The following KAT6B variants were observed in gnomAD, a reference collection of about 807,000 sequenced individuals.
KAT6B encodes the protein lysine acetyltransferase 6B.
KAT6B carries 10 observed loss-of-function variants against 187.5 expected under a neutral mutation model. That is an observed-to-expected ratio of 0.05 (90% CI 0.03 to 0.09). The LOEUF is 0.09. Among genes scored for constraint, KAT6B ranks in the 10% least tolerant of loss-of-function variants. The pLI, the probability that KAT6B is intolerant of heterozygous loss-of-function variation, is 1.00. For synonymous variants in KAT6B, 861 were observed against 926.8 expected, an observed-to-expected ratio of 0.93 and a Z score of 1.29; for missense variants, 1,952 against 2,558.9, an observed-to-expected ratio of 0.76 and a Z score of 5.12.
At chr10:74,853,618 G>C (rs1842631237) in intron 3 of KAT6B, among the ~76,000 whole-genome samples, 1 of 134,376 alleles carries the variant, frequency 7.4e-6, no homozygotes, top group African/African-American at 2.9e-5. Flanking sequence ...TATAAGAAAT[G>C]CCTTTTTTTT....
At chr10:74,861,234 C>T (rs569858940) in intron 3 of KAT6B, among the ~76,000 whole-genome samples, 135 of 151,918 alleles carry the variant, frequency 8.9e-4, no homozygotes, top group Non-Finnish European at 1.5e-3. Flanking sequence ...TGCCGGAGGC[C>T]GAAGGTGCAG....
intron 3 of KAT6B, among the ~76,000 whole-genome samples, chr10:74,845,027 G>A (rs1411540794): frequency 6.6e-6 from 1 of 151,774 alleles, no homozygotes; most frequent in African/African-American, 2.4e-5. Context: ...GACTAGCCTG[G>A]GCAACATAGT....
chr10:74,871,112 C>T (rs1843916757), intron 3 of KAT6B, among the ~76,000 whole-genome samples: 1 of 150,324 alleles, frequency 6.7e-6, no homozygotes, highest in South Asian at 2.1e-4. Flanking sequence ...AAACTCCTGA[C>T]CTCACGTGAT....
chr10:74,989,406 C>G (rs1279853632), intron 13 of KAT6B, among the ~76,000 whole-genome samples: 1 of 152,148 alleles, frequency 6.6e-6, no homozygotes, highest in Non-Finnish European at 1.5e-5. Context: ...TGCTCATGCT[C>G]ATTAGCACCA....
intron 3 of KAT6B, among the ~76,000 whole-genome samples, chr10:74,848,119 A>G (rs149145327): frequency 0.023 from 3,517 of 151,902 alleles, 138 homozygotes; most frequent in African/African-American, 0.08. Flanking sequence ...GGGTTTCACC[A>G]TGTTGGCCAG....
At chr10:74,919,649 C>T (rs1318261634) in intron 3 of KAT6B, among the ~76,000 whole-genome samples, 4 of 152,098 alleles carry the variant, frequency 2.6e-5, no homozygotes, top group Non-Finnish European at 5.9e-5. Flanking sequence ...GCGATCCGCC[C>T]ACCTAGGCCT....
At chr10:74,932,876 G>A (rs373841783) in intron 3 of KAT6B, among the ~76,000 whole-genome samples, 3 of 152,154 alleles carry the variant, frequency 2.0e-5, no homozygotes, top group Non-Finnish European at 2.9e-5. Flanking sequence ...CTTCAAAAGA[G>A]CCTGAATCAG....
chr10:75,014,473 TA>T (rs1391910909), intron 13 of KAT6B, among the ~76,000 whole-genome samples: 1 of 152,104 alleles, frequency 6.6e-6, no homozygotes, highest in Non-Finnish European at 1.5e-5. Context: ...TTTTTTAATT[TA>T]AAAAAATGTT....
intron 4 of KAT6B, among the ~76,000 whole-genome samples, chr10:74,965,750 G>C (rs937475987): frequency 6.6e-6 from 1 of 150,780 alleles, no homozygotes. Flanking sequence ...TTTTGAGATG[G>C]AGTCTCACTC....
At chr10:74,996,837 C>T (rs1843466388) in intron 13 of KAT6B, among the ~76,000 whole-genome samples, 1 of 148,044 alleles carries the variant, frequency 6.8e-6, no homozygotes, top group South Asian at 2.1e-4. Context: ...TTTGGATGGT[C>T]AAGGACATCA....
At chr10:74,851,554 A>G (rs923705516) in intron 3 of KAT6B, among the ~76,000 whole-genome samples, 3 of 151,946 alleles carry the variant, frequency 2.0e-5, no homozygotes, top group African/African-American at 7.3e-5. Flanking sequence ...GATGGTCTCA[A>G]TCTCTTGACC....
In KAT6B at chr10:75,029,688, C is replaced by G. The variant is rs372374839; in HGVS notation, c.4864C>G (p.Leu1622Val). The G allele has an allele frequency of 1.9e-6, 3 of 1,614,074 alleles. No homozygotes were observed. The highest frequency in any genetic ancestry group is 1.7e-6 in the Non-Finnish European group (2 of 1,180,046). Reference sequence around the variant, plus strand: ...TGTCAACAGCCCAAGTGTCCCTGCTCTGGAAAACAGCTACGCCCAAATCAG... The same window carrying G: ...TGTCAACAGCCCAAGTGTCCCTGCTGTGGAAAACAGCTACGCCCAAATCAG... ...RSVNSPSVPA[L>V]ENSYAQISPD... Residue 1622 changes from leucine to valine, a missense_variant, in exon 18 of 18, where the codon CTG becomes GTG. Transcript: ENST00000287239. This position sits in a 1 kb window ranked among gnomAD's most constrained non-coding sequence, Gnocchi z 6.2.
intron 3 of KAT6B, among the ~76,000 whole-genome samples, chr10:74,878,323 AGTGG>A (rs1417399280): frequency 2.6e-5 from 4 of 152,148 alleles, no homozygotes; most frequent in African/African-American, 9.7e-5. Context: ...GGGAGACTAT[AGTGG>A]GTGCATTAGT....
chr10:74,929,989 G>A (rs966147429), intron 3 of KAT6B, among the ~76,000 whole-genome samples: 5 of 149,172 alleles, frequency 3.4e-5, no homozygotes, highest in Admixed American at 6.7e-5. Flanking sequence ...GCATAATCTC[G>A]GCTCACCTCA....
intron 3 of KAT6B, among the ~76,000 whole-genome samples, chr10:74,913,508 G>A (rs1847405422): frequency 6.6e-6 from 1 of 152,180 alleles, no homozygotes. Flanking sequence ...GCCGTTGACT[G>A]TGGATAACAA....
chr10:74,927,737 C>T (rs542436846), intron 3 of KAT6B, among the ~76,000 whole-genome samples: 38 of 152,222 alleles, frequency 2.5e-4, no homozygotes, highest in South Asian at 6.2e-4. Flanking sequence ...CATCCACCAC[C>T]GCTGCAGTAG....
At chr10:74,979,188 A>G (rs1323446982) in intron 9 of KAT6B, 36 bp from the exon 10 acceptor site, 1 of 1,404,318 alleles carries the variant, frequency 7.1e-7, no homozygotes, top group Non-Finnish European at 1.0e-6. Context: ...AGTGAAGTAT[A>G]TATATTATTA....
At chr10:74,944,126 G>A (rs1295188444) in intron 3 of KAT6B, among the ~76,000 whole-genome samples, 2 of 152,196 alleles carry the variant, frequency 1.3e-5, no homozygotes, top group African/African-American at 4.8e-5. Context: ...GCAGTGATGC[G>A]GCCCAGGAAC....
intron 2 of KAT6B, among the ~76,000 whole-genome samples, chr10:74,839,338 C>A (rs964748511): frequency 2.0e-5 from 3 of 150,638 alleles, no homozygotes; most frequent in Admixed American, 6.6e-5. Flanking sequence ...TCAAGCGATT[C>A]TCCTGCCTTA....
Sources: allele counts gnomAD v4.1 joint callset (sites outside exome capture counted in the v4.1 genomes callset), GRCh38; gene constraint gnomAD v4.1.1; non-coding constraint Gnocchi (gnomAD v3.1); transcripts MANE v1.5; gene names NCBI Gene and HGNC (gene_info 2026-07-23, HGNC 2026-07-21).